HIPK3: variants seen among roughly 807,000 people sequenced by gnomAD.
HIPK3 encodes homeodomain interacting protein kinase 3.
A neutral mutation model predicts 124.2 loss-of-function variants in HIPK3; 47 were observed. That is an observed-to-expected ratio of 0.38 (90% CI 0.30 to 0.48). HIPK3 has a LOEUF of 0.48. HIPK3 is among the 20% of genes least tolerant of loss of function. HIPK3 has a pLI of 0.98. For missense variants in HIPK3, 1,286 were observed against 1,454.3 expected, an observed-to-expected ratio of 0.88 and a Z score of 1.88; for synonymous variants, 482 against 515.2, an observed-to-expected ratio of 0.94 and a Z score of 0.87.
chr11:33,276,468 TATTC>T (rs1333916132), intron 1 of HIPK3, among the ~76,000 whole-genome samples: 1 of 152,228 alleles, frequency 6.6e-6, no homozygotes, highest in Non-Finnish European at 1.5e-5. Context: ...AACTTTTGGA[TATTC>T]ATTATATATA....
At position 33,341,574 on chromosome 11, in the gene HIPK3, A is replaced by T. The variant is rs771490429; in HGVS notation, c.1785A>T (p.Thr595=). 1.6e-5 allele frequency: 25 copies of T among 1,612,000 alleles called. No individual in the cohort carries two copies. The highest frequency in any genetic ancestry group is 2.1e-5 in the Non-Finnish European group (25 of 1,179,146). The change falls in exon 8 of 17, where the codon ACA becomes ACT. Residue 595 remains threonine, a synonymous_variant. Coordinates refer to ENST00000303296, the MANE Select transcript of HIPK3 (RefSeq NM_005734.5). ...IGTLRSQALT[T]SAHSVVHHGI... ...GCTCGTTGTTTCAGGCATTGACCAC[A>T]TCTGCTCATTCAGTTGTGCACCATG...
intron 2 of HIPK3, among the ~76,000 whole-genome samples, chr11:33,322,767 A>G (rs924420691): frequency 6.6e-6 from 1 of 152,236 alleles, no homozygotes; most frequent in African/African-American, 2.4e-5. Flanking sequence ...TGGAGATTGC[A>G]GTGAGTCAAG....
chr11:33,276,126 G>A (rs1308622798), intron 1 of HIPK3, among the ~76,000 whole-genome samples: 1 of 152,166 alleles, frequency 6.6e-6, no homozygotes, highest in Non-Finnish European at 1.5e-5. Context: ...TTATTCAAAT[G>A]TTAACATTTT....
At chr11:33,350,892 T>C (rs1419168624) in intron 14 of HIPK3, among the ~76,000 whole-genome samples, 2 of 152,174 alleles carry the variant, frequency 1.3e-5, no homozygotes, top group East Asian at 3.8e-4. Flanking sequence ...AAATTGATAA[T>C]GTACATAACT....
At chr11:33,344,190 C>T (rs1853427073) in intron 8 of HIPK3, among the ~76,000 whole-genome samples, 1 of 152,200 alleles carries the variant, frequency 6.6e-6, no homozygotes, top group African/African-American at 2.4e-5. Context: ...GATTTTATGA[C>T]ACTACTTCTA....
intron 2 of HIPK3, among the ~76,000 whole-genome samples, chr11:33,309,019 T>A (rs1450302725): frequency 1.3e-5 from 2 of 152,164 alleles, no homozygotes; most frequent in African/African-American, 4.8e-5. Flanking sequence ...AAAAGTTCTC[T>A]GAAAAGGAAT....
chr11:33,328,730 A>G (rs1241025508), intron 3 of HIPK3, 97 bp downstream of exon 3: 4 of 1,057,014 alleles, frequency 3.8e-6, no homozygotes, highest in African/African-American at 3.2e-5. Context: ...TACACTGGAA[A>G]GTCTTTTTAA....
intron 3 of HIPK3, among the ~76,000 whole-genome samples, chr11:33,336,709 G>A (rs1853159712): frequency 6.6e-6 from 1 of 152,076 alleles, no homozygotes; most frequent in Admixed American, 6.5e-5. Flanking sequence ...GTCTTTGAAT[G>A]TGAGGTTATT....
intron 2 of HIPK3, among the ~76,000 whole-genome samples, chr11:33,310,274 G>A (rs55847120): frequency 0.47 from 51,525 of 108,710 alleles, 9,865 homozygotes; most frequent in Middle Eastern, 0.55. Flanking sequence ...CTGTCTGTCT[G>A]TCTATCTTAT....
rs1322212227 is a variant in HIPK3 at position 33,356,384 on chromosome 11, T to C, written c.*2816T>C. ...GATTTATACCTTTTAAAAACCATTT[T>C]GACCAGTTTTCTTCGGTTTTAATGC... On this transcript the variant is annotated 3_prime_UTR_variant, in exon 17 of 17. Transcript: ENST00000303296. The C allele has an allele frequency of 2.0e-5, 3 of 152,088 alleles. No homozygotes were observed. In the East Asian group the frequency reaches 5.8e-4, roughly 29 times the overall value. The allele number at this position is 152,088 out of a possible 1,614,324, so 9.4% of individuals were successfully genotyped here. A position where few individuals can be genotyped will look rare whatever the true frequency, so the allele number is the denominator to read the frequency against.
intron 2 of HIPK3, among the ~76,000 whole-genome samples, chr11:33,291,078 G>A (rs1244439676): frequency 6.6e-6 from 1 of 152,140 alleles, no homozygotes; most frequent in African/African-American, 2.4e-5. Flanking sequence ...AGGTATATCA[G>A]TGAAAATATA....
At chr11:33,300,021 C>CAA (rs58435948) in intron 2 of HIPK3, among the ~76,000 whole-genome samples, 37 of 95,092 alleles carry the variant, frequency 3.9e-4, no homozygotes, top group African/African-American at 1.0e-3. Context: ...GACCCTGTCT[C>CAA]AAAAAAAAAA....
At chr11:33,350,157 T>C (rs996814381) in intron 14 of HIPK3, among the ~76,000 whole-genome samples, 3 of 152,196 alleles carry the variant, frequency 2.0e-5, no homozygotes, top group East Asian at 1.9e-4. Context: ...TAAAAACATA[T>C]ACTTTAGCAA....
intron 14 of HIPK3, 73 bp from the exon 15 acceptor site, chr11:33,351,535 C>A: frequency 3.0e-6 from 3 of 994,548 alleles, no homozygotes; most frequent in Non-Finnish European, 4.7e-6. Flanking sequence ...TTCACTGGAG[C>A]CTGAATATTA....
intron 2 of HIPK3, among the ~76,000 whole-genome samples, chr11:33,326,898 C>G (rs1336040914): frequency 1.3e-5 from 2 of 152,050 alleles, no homozygotes; most frequent in African/African-American, 4.8e-5. Context: ...CCAGGCTGAT[C>G]TGGAACTCTT....
intron 2 of HIPK3, among the ~76,000 whole-genome samples, chr11:33,293,647 TACC>T (rs946569721): frequency 1.3e-5 from 2 of 152,106 alleles, no homozygotes; most frequent in African/African-American, 4.8e-5. Context: ...TGTAGATATA[TACC>T]ACATTTTACG....
At chr11:33,333,925 T>C (rs2133975862) in intron 3 of HIPK3, among the ~76,000 whole-genome samples, 1 of 152,364 alleles carries the variant, frequency 6.6e-6, no homozygotes, top group Non-Finnish European at 1.5e-5. Context: ...AATTGAATTG[T>C]TGATGGCTTT....
intron 1 of HIPK3, among the ~76,000 whole-genome samples, chr11:33,272,625 C>G (rs1358567143): frequency 6.6e-6 from 1 of 151,632 alleles, no homozygotes; most frequent in Non-Finnish European, 1.5e-5. Context: ...TTTTTCTTTC[C>G]TTTTTCCTTT....
chr11:33,276,723 TGAGATA>T (rs1711943593), intron 1 of HIPK3, among the ~76,000 whole-genome samples: 1 of 152,192 alleles, frequency 6.6e-6, no homozygotes, highest in African/African-American at 2.4e-5. Context: ...TTATTTTTTT[TGAGATA>T]GAGTCTCACT....
Sources: allele counts gnomAD v4.1 joint callset (sites outside exome capture counted in the v4.1 genomes callset), GRCh38; gene constraint gnomAD v4.1.1; transcripts MANE v1.5; gene names NCBI Gene and HGNC (gene_info 2026-07-23, HGNC 2026-07-21).